The following SCAPER variants were observed in gnomAD, a reference collection of about 807,000 sequenced individuals.
The protein encoded by SCAPER is S-phase cyclin A associated protein in the ER.
In SCAPER, 98 loss-of-function variants were observed where a neutral mutation model predicts 182.2. That is an observed-to-expected ratio of 0.54 (90% CI 0.46 to 0.64). SCAPER has a LOEUF of 0.64. Ranked by LOEUF, SCAPER falls within the 30% of genes least tolerant of loss-of-function variation. The pLI, the probability that SCAPER is intolerant of heterozygous loss-of-function variation, is 0.00. For synonymous variants in SCAPER, 605 were observed against 564.6 expected (o/e 1.07, Z -1.01); for missense variants, 1,432 against 1,690.0 (o/e 0.85, Z 2.68).
At position 76,481,116 on chromosome 15, in the gene SCAPER, T is replaced by C. The variant is rs145253151; in HGVS notation, c.2955-9781A>G. 3.2e-3 allele frequency among the ~76,000 whole-genome samples: 495 copies of C among 152,350 alleles called. 2 individuals carry two copies. Among genetic ancestry groups the C allele is most frequent in the African/African-American group, 0.011 (470 of 41,584 alleles). On this transcript the variant is annotated intron_variant, in intron 24 of 31. Coordinates refer to ENST00000563290, the MANE Select transcript of SCAPER (RefSeq NM_020843.4). ...TATTCTCAGCACCAGAGAAATATTTTATTTTTTGTAGCTATCAGGAATAAA... is the reference window on the plus strand; with the variant it reads ...TATTCTCAGCACCAGAGAAATATTTCATTTTTTGTAGCTATCAGGAATAAA...
rs938373135 is a variant in SCAPER, at chr15:76,841,902, C to T, written c.225G>A (p.Ser75=). ...CAAAGTGTTTATCTCCAGTCGTAGA[C>T]GATGTTATTTTACAGTCCACTGCAG... ...QSTAVDCKIT[S]STTGDKHFDK... Residue 75 remains serine (S), a synonymous_variant, in exon 5 of 32, where the codon TCG becomes TCA. Coordinates refer to ENST00000563290, the MANE Select transcript of SCAPER (RefSeq NM_020843.4). The T allele has an allele frequency of 8.1e-6, 13 of 1,613,660 alleles. No homozygotes were observed. Among genetic ancestry groups the T allele is most frequent in the African/African-American group, 1.3e-5 (1 of 74,946 alleles).
chr15:76,709,419 C>T (rs1476183260), intron 17 of SCAPER, among the ~76,000 whole-genome samples: 1 of 152,164 alleles, frequency 6.6e-6, no homozygotes, highest in African/African-American at 2.4e-5. Flanking sequence ...CAGACATGAG[C>T]CACCGCACTC....
chr15:76,747,921 G>A (rs369595642), intron 15 of SCAPER, among the ~76,000 whole-genome samples: 1 of 151,746 alleles, frequency 6.6e-6, no homozygotes, highest in Non-Finnish European at 1.5e-5. Context: ...CAAATGGGCT[G>A]AAACAGACCA....
At chr15:76,524,389 G>C (rs1597188557) in intron 23 of SCAPER, among the ~76,000 whole-genome samples, 1 of 152,014 alleles carries the variant, frequency 6.6e-6, no homozygotes. Flanking sequence ...GAAAAGTGCA[G>C]ACAAAGTGTT....
Position 76,504,930 on chromosome 15 carries a change from T to G in SCAPER, c.2883A>C (p.Thr961=). The change falls in exon 24 of 32, where the codon ACA becomes ACC. Residue 961 remains threonine (T), a synonymous_variant. Coordinates refer to ENST00000563290, the MANE Select transcript of SCAPER (RefSeq NM_020843.4). ...CTGCTTGAAGGATGTGTTCAAGGGC[T>G]GTTAATCCACCAGCAGCTTGAAATG... The part of the protein sequence containing the change: ...QIAFQAAGGL[T]ALEHILQAVV... 1 of 1,613,110 alleles carries G rather than the reference T, an allele frequency of 6.2e-7. No individual in the cohort carries two copies. The highest frequency in any genetic ancestry group is 8.5e-7 in the Non-Finnish European group (1 of 1,179,608).
intron 7 of SCAPER, 28 bp from the exon 8 acceptor site, chr15:76,795,468 A>G: frequency 8.4e-6 from 12 of 1,428,672 alleles, no homozygotes; most frequent in Non-Finnish European, 9.2e-6. Context: ...CACATTTAAT[A>G]AATTAAATAT....
At chr15:76,694,151 G>C (rs2058526946) in intron 20 of SCAPER, among the ~76,000 whole-genome samples, 1 of 151,302 alleles carries the variant, frequency 6.6e-6, no homozygotes, top group African/African-American at 2.4e-5. Context: ...ATTTTGATGG[G>C]GATTACATTG....
intron 29 of SCAPER, among the ~76,000 whole-genome samples, chr15:76,359,667 G>A (rs1224104104): frequency 8.5e-5 from 13 of 152,200 alleles, no homozygotes; most frequent in Admixed American, 8.5e-4. Flanking sequence ...TTAAGCCCAG[G>A]AAGTCTTCCC....
chr15:76,819,958 C>A (rs1057480997), intron 5 of SCAPER, among the ~76,000 whole-genome samples: 2 of 152,196 alleles, frequency 1.3e-5, no homozygotes, highest in Non-Finnish European at 2.9e-5. Context: ...CAAAAGAAGA[C>A]ATTTATGCAG....
At chr15:76,713,477 T>C (rs1445617572) in intron 17 of SCAPER, among the ~76,000 whole-genome samples, 1 of 151,910 alleles carries the variant, frequency 6.6e-6, no homozygotes, top group Non-Finnish European at 1.5e-5. Context: ...ATGTCCTTTG[T>C]AGGGACATGG....
chr15:76,557,074 A>G (rs927704987), intron 23 of SCAPER, among the ~76,000 whole-genome samples: 2 of 152,204 alleles, frequency 1.3e-5, no homozygotes, highest in African/African-American at 4.8e-5. Context: ...ATTTCTACAA[A>G]GAAATTGACA....
In SCAPER at chr15:76,466,560, T is replaced by C. The variant is rs2049670311; in HGVS notation, c.3078+4652A>G. On this transcript the variant is annotated intron_variant, in intron 25 of 31. Transcript: ENST00000563290. ...TTTGTCAGGTAATTCATGTCTTTGT[T>C]TCTTTAGGATTGGTTTGTGAAGATT... Among the ~76,000 whole-genome samples the C allele has an allele frequency of 2.6e-5, 4 of 151,826 alleles. No homozygotes were observed. In the South Asian group the frequency reaches 8.3e-4, roughly 32 times the overall value.
At chr15:76,673,509 G>C (rs918788174) in intron 20 of SCAPER, among the ~76,000 whole-genome samples, 15 of 152,024 alleles carry the variant, frequency 9.9e-5, no homozygotes, top group Admixed American at 9.8e-4. Context: ...AGTAAATATG[G>C]TTATATTATA....
intron 23 of SCAPER, among the ~76,000 whole-genome samples, chr15:76,518,280 T>C (rs748934554): frequency 6.6e-6 from 1 of 152,212 alleles, no homozygotes; most frequent in Non-Finnish European, 1.5e-5. Flanking sequence ...CTGGAGCTCA[T>C]CTCTGCAGGC....
chr15:76,437,121 G>C (rs2047249306), intron 25 of SCAPER, among the ~76,000 whole-genome samples: 1 of 152,100 alleles, frequency 6.6e-6, no homozygotes, highest in Non-Finnish European at 1.5e-5. Flanking sequence ...TGAGGGTTGG[G>C]CAATGGCAGT....
chr15:76,728,869 C>T (rs1010968294), intron 16 of SCAPER, 132 bp from the exon 17 acceptor site: 81 of 914,472 alleles, frequency 8.9e-5, no homozygotes, highest in Middle Eastern at 3.1e-4. Context: ...AGGTACTCTG[C>T]TTCTTAAAGT....
intron 5 of SCAPER, among the ~76,000 whole-genome samples, chr15:76,821,331 G>T (rs369819221): frequency 5.3e-5 from 8 of 152,206 alleles, no homozygotes; most frequent in African/African-American, 1.7e-4. Flanking sequence ...TTTAAAATAT[G>T]GCAGGGGCCA....
chr15:76,754,170 A>G (rs1289312710), intron 14 of SCAPER, among the ~76,000 whole-genome samples: 1 of 152,060 alleles, frequency 6.6e-6, no homozygotes, highest in Non-Finnish European at 1.5e-5. Context: ...TTTTTAGCCT[A>G]TGTCTCAGTT....
chr15:76,356,473 G>A (rs2040969440), intron 29 of SCAPER, among the ~76,000 whole-genome samples: 1 of 152,290 alleles, frequency 6.6e-6, no homozygotes, highest in Non-Finnish European at 1.5e-5. Context: ...CACTTGGACT[G>A]CTTGAGCTTT....
Sources: allele counts gnomAD v4.1 joint callset (sites outside exome capture counted in the v4.1 genomes callset), GRCh38; gene constraint gnomAD v4.1.1; transcripts MANE v1.5; gene names NCBI Gene and HGNC (gene_info 2026-07-23, HGNC 2026-07-21).